MSANTD2: variants seen among roughly 807,000 people sequenced by gnomAD.
MSANTD2 encodes Myb/SANT DNA binding domain containing 2.
MSANTD2 carries 19 observed loss-of-function variants against 52.6 expected under a neutral mutation model. The ratio of observed to expected loss-of-function variants is 0.36; its 90% CI spans 0.25 to 0.53. The LOEUF is 0.53. Among genes scored for constraint, MSANTD2 ranks in the 20% least tolerant of loss-of-function variants. The pLI, the probability that MSANTD2 is intolerant of heterozygous loss-of-function variation, is 0.91. For missense variants in MSANTD2, 558 were observed against 716.3 expected (o/e 0.78, Z 2.52); for synonymous variants, 291 against 289.7 (o/e 1.00, Z -0.04).
rs1347690444 is a variant in MSANTD2, at chr11:124,767,447, G to A, written c.1409C>T (p.Thr470Ile). The change falls in exon 4 of 4, where the codon ACC becomes ATC. Residue 470 changes from threonine (T) to isoleucine (I), a missense_variant. Around this residue, in one of 2 missense-constraint regions of MSANTD2, gnomAD observed 408 missense variants for 573.6 expected, o/e 0.71. Transcript: ENST00000374979. This position sits in a 1 kb window ranked among gnomAD's most constrained non-coding sequence, Gnocchi z 6.5. ...CCCGAGGTAGCAATAGATAATTCGGGTGGGTTCTATTTCCACCTGTAATGA... is the reference window on the plus strand; with the variant it reads ...CCCGAGGTAGCAATAGATAATTCGGATGGGTTCTATTTCCACCTGTAATGA... ...QASLQVEIEP[T>I]RIIYCYLGIA... 6.2e-6 allele frequency: 10 copies of A among 1,614,038 alleles called. No homozygotes were observed. The highest frequency in any genetic ancestry group is 8.5e-6 in the Non-Finnish European group (10 of 1,180,036).
chr11:124,774,992 T>C lies in MSANTD2; in HGVS notation c.511-18A>G. On this transcript the variant is annotated intron_variant, in intron 1 of 3. Transcript: ENST00000374979. This position sits in a 1 kb window ranked among gnomAD's most constrained non-coding sequence, Gnocchi z 5.1. ...CGAAGGGTCTAAGACACAAAGTCTT[T>C]TGTTATTCCTTTAAAGCTGTACTTC... 3.3e-6 allele frequency: 5 copies of C among 1,533,264 alleles called. No homozygotes were observed. The highest frequency in any genetic ancestry group is 4.4e-6 in the Non-Finnish European group (5 of 1,144,562). The allele number at this position is 1,533,264 out of a possible 1,614,324, so 95.0% of individuals were successfully genotyped here.
intron 1 of MSANTD2, chr11:124,775,924 T>C (rs553101178): frequency 3.3e-5 from 5 of 152,374 alleles, no homozygotes; most frequent in African/African-American, 1.2e-4. Flanking sequence ...AATTTAATGG[T>C]ACATCTTATG....
chr11:124,773,089 T>C lies in MSANTD2; in HGVS notation c.767-35A>G, dbSNP rs778875888. On this transcript the variant is annotated intron_variant, in intron 2 of 3. Transcript: ENST00000374979. Reference sequence around the variant, plus strand: ...AAAGATTTTGAAAAAAGTTATACTTTCCTAAGTGGTGGCATGCATGTATGT... The same window carrying C: ...AAAGATTTTGAAAAAAGTTATACTTCCCTAAGTGGTGGCATGCATGTATGT... 13 of 1,264,906 alleles carry C rather than the reference T, an allele frequency of 1.0e-5. No homozygotes were observed. In the African/African-American group the frequency reaches 1.3e-4, roughly 13 times the overall value. 78.4% of individuals were successfully genotyped at this position (1,264,906 alleles called of 1,614,324 possible).
chr11:124,776,592 C>T (rs1455990521), intron 1 of MSANTD2, among the ~76,000 whole-genome samples: 1 of 152,256 alleles, frequency 6.6e-6, no homozygotes, highest in Non-Finnish European at 1.5e-5. Context: ...CCACCACACC[C>T]AGCCAGGAAG....
chr11:124,767,488 G>C lies in MSANTD2; in HGVS notation c.1368C>G (p.Thr456=). Residue 456 remains threonine (T), a synonymous_variant, in exon 4 of 4, where the codon ACC becomes ACG. Transcript: ENST00000374979. This position sits in a 1 kb window ranked among gnomAD's most constrained non-coding sequence, Gnocchi z 6.5. ...PGKEGRVDLE[T]LSAQASLQVE... ...CCTGTAATGAGGCTTGTGCTGAAAG[G>C]GTTTCCAGGTCAACCCGGCCCTCTT... is the stretch of plus-strand genomic sequence containing the variant. 1.2e-6 allele frequency: 2 copies of C among 1,614,188 alleles called. No individual in the cohort carries two copies. The highest frequency in any genetic ancestry group is 1.7e-6 in the Non-Finnish European group (2 of 1,180,018).
chr11:124,770,455 A>C (rs1257530600), intron 3 of MSANTD2, among the ~76,000 whole-genome samples: 1 of 151,530 alleles, frequency 6.6e-6, no homozygotes, highest in East Asian at 1.9e-4. Context: ...ATGCCACTAT[A>C]CCCAGTGAAT....
At chr11:124,795,678 C>CTTTTAT (rs150957994) in intron 1 of MSANTD2, among the ~76,000 whole-genome samples, 8 of 152,108 alleles carry the variant, frequency 5.3e-5, no homozygotes, top group East Asian at 3.9e-4. Context: ...GTATATTATA[C>CTTTTAT]TTTTATTTTT....
chr11:124,769,349 G>A (rs774642935), intron 3 of MSANTD2, among the ~76,000 whole-genome samples: 1 of 152,200 alleles, frequency 6.6e-6, no homozygotes, highest in South Asian at 2.1e-4. Context: ...AAGCTTTCAA[G>A]TATGAGAGTG....
At chr11:124,775,024 C>T (rs1000857657) in intron 1 of MSANTD2, 50 bp from the exon 2 acceptor site, 9 of 1,488,274 alleles carry the variant, frequency 6.0e-6, no homozygotes, top group Admixed American at 4.1e-5. Flanking sequence ...CTTCCTCTTC[C>T]AGGTACGGAC....
Position 124,768,022 on chromosome 11 carries a change from T to C in MSANTD2, c.834A>G (p.Arg278=). 6.3e-7 allele frequency: 1 copy of C among 1,598,250 alleles called. No homozygotes were observed. The highest frequency in any genetic ancestry group is 8.6e-7 in the Non-Finnish European group (1 of 1,169,196). Residue 278 remains arginine, a synonymous_variant, in exon 4 of 4, where the codon AGA becomes AGG. Coordinates refer to ENST00000374979, the MANE Select transcript of MSANTD2 (RefSeq NM_001308027.2). ...TCTGTACAATATTCTGCATGATGTC[T>C]CTCTTCCTGGAAAGACAAATAAAAG... ...KQESSEEAQK[R]DIMQNIVQIL...
At chr11:124,771,177 T>C (rs538108555) in intron 3 of MSANTD2, among the ~76,000 whole-genome samples, 1 of 152,294 alleles carries the variant, frequency 6.6e-6, no homozygotes, top group South Asian at 2.1e-4. Flanking sequence ...CCCAACTTAC[T>C]TTTTACAACA....
intron 1 of MSANTD2, among the ~76,000 whole-genome samples, chr11:124,787,920 C>G (rs966302506): frequency 2.6e-5 from 4 of 151,806 alleles, no homozygotes; most frequent in Non-Finnish European, 4.4e-5. Flanking sequence ...ATGGCAAAAC[C>G]CCATCTCTAC....
At chr11:124,799,848 C>A in intron 1 of MSANTD2, 23 bp downstream of exon 1, 1 of 1,551,892 alleles carries the variant, frequency 6.4e-7, no homozygotes, top group Non-Finnish European at 8.7e-7. Flanking sequence ...TGGTTCGCTG[C>A]CCCAGGCCGG....
rs190207437 is a variant in MSANTD2 at position 124,782,329 on chromosome 11, G to A, written c.511-7355C>T. On this transcript the variant is annotated intron_variant, in intron 1 of 3. Coordinates refer to ENST00000374979, the MANE Select transcript of MSANTD2 (RefSeq NM_001308027.2). ...AGTCTGGGTGTGGTGGTGTGCACCT[G>A]CAGTCTCAGCTACTGGGGAGGCTGA... Among the ~76,000 whole-genome samples, 42 of 151,958 alleles carry A rather than the reference G, an allele frequency of 2.8e-4. No homozygotes were observed. The East Asian group carries it at 5.4e-3, about 20-fold the overall frequency.
Position 124,800,070 on chromosome 11 carries a change from CACG to C in MSANTD2, c.308_310del (p.Ser103del), listed in dbSNP as rs1182918993. 1.3e-6 allele frequency: 2 copies of C among 1,528,112 alleles called. No homozygotes were observed. The highest frequency in any genetic ancestry group is 1.7e-6 in the Non-Finnish European group (2 of 1,147,942). 94.7% of individuals were successfully genotyped at this position (1,528,112 alleles called of 1,614,324 possible). A position where few individuals can be genotyped will look rare whatever the true frequency, so the allele number is the denominator to read the frequency against. On this transcript the variant is annotated inframe_deletion, in exon 1 of 4. Transcript: ENST00000374979. The surrounding 1 kb of genome is among the most constrained non-coding windows in gnomAD (Gnocchi z 4.3). Reference sequence around the variant, plus strand: ...GAGCGCGTTCGTCTCGGCTGGCGTCCACGACATGCCCCGGCAGGCGGCGGCGGC... The same window carrying C: ...GAGCGCGTTCGTCTCGGCTGGCGTCCACATGCCCCGGCAGGCGGCGGCGGC...
intron 1 of MSANTD2, among the ~76,000 whole-genome samples, chr11:124,776,499 G>A (rs1267349318): frequency 2.0e-5 from 3 of 152,172 alleles, no homozygotes; most frequent in African/African-American, 7.2e-5. Flanking sequence ...GTTTCTCCAC[G>A]TTGGTCAGGC....
chr11:124,784,123 C>T (rs999901830), intron 1 of MSANTD2: 4 of 984,736 alleles, frequency 4.1e-6, no homozygotes, highest in African/African-American at 3.5e-5. Context: ...GCAGATAACA[C>T]TATTTGTCTA....
chr11:124,788,908 T>C (rs1421825026), intron 1 of MSANTD2, among the ~76,000 whole-genome samples: 1 of 152,232 alleles, frequency 6.6e-6, no homozygotes, highest in Non-Finnish European at 1.5e-5. Flanking sequence ...TATTTGAGGG[T>C]CTTTTTCCCT....
At chr11:124,785,317 T>G (rs1165587126) in intron 1 of MSANTD2, among the ~76,000 whole-genome samples, 1 of 152,212 alleles carries the variant, frequency 6.6e-6, no homozygotes, top group African/African-American at 2.4e-5. Flanking sequence ...TCATTCCTAC[T>G]TAATAATAAT....
Sources: allele counts gnomAD v4.1 joint callset (sites outside exome capture counted in the v4.1 genomes callset), GRCh38; gene constraint gnomAD v4.1.1; regional missense constraint gnomAD v4.1.1; non-coding constraint Gnocchi (gnomAD v3.1); transcripts MANE v1.5; gene names NCBI Gene and HGNC (gene_info 2026-07-23, HGNC 2026-07-21).